The following ZNF287 variants were observed in gnomAD, a reference collection of about 807,000 sequenced individuals.
The protein encoded by ZNF287 is zinc finger protein with KRAB and SCAN domains 13.
ZNF287 carries 31 observed loss-of-function variants against 73.7 expected under a neutral mutation model. The observed-to-expected ratio is 0.42, with a 90% CI of 0.32 to 0.57. ZNF287 has a LOEUF of 0.57. Among genes scored for constraint, ZNF287 ranks in the 20% least tolerant of loss-of-function variants. ZNF287 has a pLI of 0.13. For synonymous variants in ZNF287, 301 were observed against 307.2 expected (o/e 0.98, Z 0.21); for missense variants, 641 against 909.3 (o/e 0.70, Z 3.79).
intron 2 of ZNF287, among the ~76,000 whole-genome samples, chr17:16,567,032 C>G (rs985955968): frequency 2.0e-5 from 3 of 152,126 alleles, no homozygotes; most frequent in Admixed American, 6.6e-5. Flanking sequence ...TGAGGGCTCA[C>G]ACAGTGGTAA....
chr17:16,550,477 A>T lies in ZNF287; in HGVS notation c.*1379T>A, dbSNP rs1906575346. Among the ~76,000 whole-genome samples the T allele has an allele frequency of 6.6e-6, 1 of 152,140 alleles. No individual in the cohort carries two copies. Among genetic ancestry groups the T allele is most frequent in the Admixed American group, 6.6e-5 (1 of 15,258 alleles). On this transcript the variant is annotated 3_prime_UTR_variant, in exon 6 of 6. Transcript: ENST00000395825. The stretch of plus-strand genomic sequence containing the variant: ...TTCCCCGACCCACATTCTGCAGTGA[A>T]TTCAGATCTATTTTCCATTTTTTTC...
At chr17:16,560,496 C>T (rs571459781) in intron 5 of ZNF287, among the ~76,000 whole-genome samples, 3 of 151,140 alleles carry the variant, frequency 2.0e-5, no homozygotes, top group Non-Finnish European at 2.9e-5. Flanking sequence ...ATTACAGGCA[C>T]CCACCACCAC....
At position 16,551,260 on chromosome 17, in the gene ZNF287, T is replaced by A. The variant is rs1481004288; in HGVS notation, c.*596A>T. The A allele has an allele frequency of 6.6e-6, 1 of 152,246 alleles. No individual in the cohort carries two copies. The allele number at this position is 152,246 out of a possible 1,614,324, so 9.4% of individuals were successfully genotyped here. On this transcript the variant is annotated 3_prime_UTR_variant, in exon 6 of 6. Transcript: ENST00000395825. Reference sequence around the variant, plus strand: ...CTTACTCTTTTCTGTAATTTTAAGATCACTCTCTAGTGTGAAATCTCTATT... The same window carrying A: ...CTTACTCTTTTCTGTAATTTTAAGAACACTCTCTAGTGTGAAATCTCTATT...
At position 16,552,720 on chromosome 17, in the gene ZNF287, A is replaced by G; in HGVS notation, c.1422T>C (p.His474=). 1 of 1,614,120 alleles carries G rather than the reference A, an allele frequency of 6.2e-7. No individual in the cohort carries two copies. Among genetic ancestry groups the G allele is most frequent in the Non-Finnish European group, 8.5e-7 (1 of 1,180,018 alleles). The change falls in exon 6 of 6, where the codon CAT becomes CAC. Residue 474 remains histidine, a synonymous_variant. Transcript: ENST00000395825. This position sits in a 1 kb window ranked among gnomAD's most constrained non-coding sequence, Gnocchi z 6.5. ...RAHLTIHQRT[H]TGEKPYKCLE... ...AGCATTTATATGGTTTCTCTCCAGTATGTGTCCTTTGATGGATGGTAAGGT... is the reference window on the plus strand; with the variant it reads ...AGCATTTATATGGTTTCTCTCCAGTGTGTGTCCTTTGATGGATGGTAAGGT...
At chr17:16,567,296 G>A in intron 2 of ZNF287, 33 bp downstream of exon 2, 1 of 1,578,864 alleles carries the variant, frequency 6.3e-7, no homozygotes, top group African/African-American at 1.4e-5. Flanking sequence ...AACCACCCAG[G>A]GATTCCTCCC....
At chr17:16,555,736 G>A (rs529219703) in intron 5 of ZNF287, among the ~76,000 whole-genome samples, 62 of 151,908 alleles carry the variant, frequency 4.1e-4, no homozygotes, top group Middle Eastern at 3.4e-3. Flanking sequence ...TACGTTTCTC[G>A]TATAATTACT....
chr17:16,554,302 T>C (rs1176728701), intron 5 of ZNF287, among the ~76,000 whole-genome samples: 1 of 151,304 alleles, frequency 6.6e-6, no homozygotes, highest in African/African-American at 2.4e-5. Flanking sequence ...GACTCCCGAG[T>C]AACTGGGATT....
In ZNF287 at chr17:16,547,279, G is replaced by A. The variant is rs536640926; in HGVS notation, c.*4577C>T. Reference sequence around the variant, plus strand: ...TAGCTTATAAACACCGTAAGTTATAGACATATAATAGTTAAAACACAACGT... The same window carrying A: ...TAGCTTATAAACACCGTAAGTTATAAACATATAATAGTTAAAACACAACGT... On this transcript the variant is annotated 3_prime_UTR_variant, in exon 6 of 6. Coordinates refer to ENST00000395825, the MANE Select transcript of ZNF287 (RefSeq NM_020653.4). 7.9e-5 allele frequency among the ~76,000 whole-genome samples: 12 copies of A among 152,298 alleles called. No homozygotes were observed. Among genetic ancestry groups the A allele is most frequent in the African/African-American group, 2.9e-4 (12 of 41,568 alleles).
In ZNF287 at chr17:16,550,351, A is replaced by G. The variant is rs1906564646; in HGVS notation, c.*1505T>C. Among the ~76,000 whole-genome samples, 1 of 152,100 alleles carries G rather than the reference A, an allele frequency of 6.6e-6. No homozygotes were observed. The highest frequency in any genetic ancestry group is 1.9e-4 in the East Asian group (1 of 5,202). ...TAATAACCAGGCTGAATTCTTTTTT[A>G]TTTAGCCACTCTCATTTCATAGGCA... On this transcript the variant is annotated 3_prime_UTR_variant, in exon 6 of 6. Transcript: ENST00000395825.
intron 3 of ZNF287, among the ~76,000 whole-genome samples, chr17:16,564,458 C>G (rs1174708211): frequency 6.6e-6 from 1 of 152,136 alleles, no homozygotes; most frequent in African/African-American, 2.4e-5. Flanking sequence ...CACCTCAGCT[C>G]CCCAAAGTGT....
Position 16,550,482 on chromosome 17 carries a change from G to C in ZNF287, c.*1374C>G, listed in dbSNP as rs148983504. ...CGACCCACATTCTGCAGTGAATTCA[G>C]ATCTATTTTCCATTTTTTTCTCACA... is the stretch of plus-strand genomic sequence containing the variant. On this transcript the variant is annotated 3_prime_UTR_variant, in exon 6 of 6. Transcript: ENST00000395825. Among the ~76,000 whole-genome samples, 113 of 152,210 alleles carry C rather than the reference G, an allele frequency of 7.4e-4. No individual in the cohort carries two copies. The highest frequency in any genetic ancestry group is 2.6e-3 in the African/African-American group (108 of 41,548).
chr17:16,556,339 T>C (rs928810000), intron 5 of ZNF287, among the ~76,000 whole-genome samples: 4 of 152,044 alleles, frequency 2.6e-5, no homozygotes, highest in Non-Finnish European at 4.4e-5. Context: ...TGTTTAGGAG[T>C]AATGTTAAAT....
chr17:16,559,535 T>C (rs1952975416), intron 5 of ZNF287, among the ~76,000 whole-genome samples: 1 of 151,486 alleles, frequency 6.6e-6, no homozygotes. Context: ...CAGATTTGAA[T>C]TGGAGTTTAA....
intron 3 of ZNF287, 79 bp from the exon 4 acceptor site, chr17:16,563,904 G>T: frequency 6.7e-7 from 1 of 1,494,858 alleles, no homozygotes; most frequent in Non-Finnish European, 9.0e-7. Flanking sequence ...TATATGTATG[G>T]TGGGGGACTG....
At position 16,549,632 on chromosome 17, in the gene ZNF287, C is replaced by G. The variant is rs1597460631; in HGVS notation, c.*2224G>C. On this transcript the variant is annotated 3_prime_UTR_variant, in exon 6 of 6. Transcript: ENST00000395825. ...TTAAAGAAAACACTCAATAATATAGCCTTTAGGATACTAGCATCCTGGGTC... is the reference window on the plus strand; with the variant it reads ...TTAAAGAAAACACTCAATAATATAGGCTTTAGGATACTAGCATCCTGGGTC... 6.6e-6 allele frequency among the ~76,000 whole-genome samples: 1 copy of G among 152,096 alleles called. No homozygotes were observed. The highest frequency in any genetic ancestry group is 2.1e-4 in the South Asian group (1 of 4,814).
chr17:16,568,657 AC>A (rs1453859518), intron 1 of ZNF287: 1 of 152,302 alleles, frequency 6.6e-6, no homozygotes. Context: ...GCCACCAAAG[AC>A]AACTGTTTAC....
chr17:16,568,086 C>T (rs751708079), intron 1 of ZNF287, 157 bp from the exon 2 acceptor site: 18 of 645,906 alleles, frequency 2.8e-5, no homozygotes, highest in Non-Finnish European at 3.5e-5. Context: ...AGGGAACTGC[C>T]ATCTGCTTGG....
rs781700689 is a variant in ZNF287 at position 16,553,269 on chromosome 17, T to C, written c.873A>G (p.Glu291=). The C allele has an allele frequency of 6.2e-7, 1 of 1,613,818 alleles. No individual in the cohort carries two copies. The highest frequency in any genetic ancestry group is 8.5e-7 in the Non-Finnish European group (1 of 1,179,812). ...GGACTGACTTCAAACTGAAACCTCT[T>C]TCATCAGTGTGAATTTTCCAGAAGC... ...KGGFWKIHTD[E]RGFSLKSVLS... The change falls in exon 6 of 6, where the codon GAA becomes GAG. Residue 291 remains glutamate, a synonymous_variant. Coordinates refer to ENST00000395825, the MANE Select transcript of ZNF287 (RefSeq NM_020653.4).
intron 4 of ZNF287, 64 bp downstream of exon 4, chr17:16,563,635 C>T (rs1350564646): frequency 3.2e-6 from 5 of 1,554,024 alleles, no homozygotes; most frequent in Non-Finnish European, 4.4e-6. Flanking sequence ...CCAAGCATGT[C>T]TGAGGACCAA....
Sources: allele counts gnomAD v4.1 joint callset (sites outside exome capture counted in the v4.1 genomes callset), GRCh38; gene constraint gnomAD v4.1.1; non-coding constraint Gnocchi (gnomAD v3.1); transcripts MANE v1.5; gene names NCBI Gene and HGNC (gene_info 2026-07-23, HGNC 2026-07-21).